The following COL6A6 variants were observed in gnomAD, a reference collection of about 807,000 sequenced individuals.
COL6A6 encodes the protein collagen type VI alpha 6 chain.
In COL6A6, 183 loss-of-function variants were observed where a neutral mutation model predicts 208.6. The ratio of observed to expected loss-of-function variants is 0.88; its 90% CI spans 0.78 to 0.99. COL6A6 has a LOEUF of 0.99. COL6A6 is among the 50% of genes least tolerant of loss of function. The probability of loss-of-function intolerance (pLI) is 0.00; values close to 1 mark genes in which losing one functional copy is unlikely to be tolerated. For missense variants in COL6A6, 2,816 were observed against 2,815.2 expected (o/e 1.00, Z -0.01); for synonymous variants, 973 against 1,011.8 (o/e 0.96, Z 0.73).
chr3:130,664,817 T>C (rs571201329), intron 35 of COL6A6, among the ~76,000 whole-genome samples, 186 bp from the exon 36 acceptor site: 2 of 152,198 alleles, frequency 1.3e-5, no homozygotes, highest in Non-Finnish European at 2.9e-5. Flanking sequence ...TCAGAAGGGA[T>C]GTGTTTTCTA....
In COL6A6 at chr3:130,531,265, TTTAGCAGCATCTAACATCCTA is replaced by T. The variant is rs376881994; in HGVS notation, c.-32+13879_-32+13899del. Among the ~76,000 whole-genome samples the T allele has an allele frequency of 9.2e-3, 1,393 of 151,956 alleles. 21 individuals carry two copies. The highest frequency in any genetic ancestry group is 0.031 in the African/African-American group (1,264 of 41,270). ...GAACTCTTCTGTGCACTGCAGGATG[TTTAGCAGCATCTAACATCCTA>T]TTAGCAGCATACTAACAACAGTAGT... On this transcript the variant is annotated intron_variant, in intron 1 of 36. Transcript: ENST00000358511.
chr3:130,676,020 A>G lies in COL6A6; in HGVS notation c.*623A>G, dbSNP rs1209098174. ...CATTAATTCCCGCAGAACATAAATT[A>G]TTGCTTTTGAGCTGGAAGTTTTCTC... is the stretch of plus-strand genomic sequence containing the variant. On this transcript the variant is annotated 3_prime_UTR_variant, in exon 37 of 37. Transcript: ENST00000358511. 2.0e-5 allele frequency: 3 copies of G among 152,164 alleles called. No homozygotes were observed. Among genetic ancestry groups the G allele is most frequent in the Non-Finnish European group, 4.4e-5 (3 of 68,022 alleles). The allele number at this position is 152,164 out of a possible 1,614,324, so 9.4% of individuals were successfully genotyped here.
At chr3:130,608,790 T>TTC (rs1288664618) in intron 21 of COL6A6, 112 bp from the exon 22 acceptor site, 4 of 195,078 alleles carry the variant, frequency 2.1e-5, no homozygotes, top group African/African-American at 1.1e-4. Context: ...TTTTTTTTTT[T>TTC]GCAAAGATCC....
intron 1 of COL6A6, among the ~76,000 whole-genome samples, chr3:130,548,149 G>A (rs962920935): frequency 8.5e-5 from 13 of 152,214 alleles, no homozygotes; most frequent in African/African-American, 3.1e-4. Flanking sequence ...CCATGTCTGA[G>A]TCTGGTTCTG....
chr3:130,672,382 C>T (rs2066239614), intron 36 of COL6A6, among the ~76,000 whole-genome samples: 1 of 151,074 alleles, frequency 6.6e-6, no homozygotes, highest in South Asian at 2.1e-4. Flanking sequence ...CAAAGTCTTA[C>T]AATTCTCAAA....
intron 33 of COL6A6, among the ~76,000 whole-genome samples, chr3:130,651,507 T>C (rs996273206): frequency 6.6e-6 from 1 of 152,204 alleles, no homozygotes; most frequent in South Asian, 2.1e-4. Context: ...AACAAAAATT[T>C]GTTTAATAAT....
intron 1 of COL6A6, among the ~76,000 whole-genome samples, chr3:130,557,506 G>A (rs763537848): frequency 5.9e-5 from 9 of 152,168 alleles, no homozygotes; most frequent in Non-Finnish European, 8.8e-5. Flanking sequence ...GACATCAGGG[G>A]TTAAATAAGC....
At chr3:130,563,956 C>T (rs933457206) in intron 3 of COL6A6, among the ~76,000 whole-genome samples, 1 of 152,168 alleles carries the variant, frequency 6.6e-6, no homozygotes. Flanking sequence ...AGCTATTTCC[C>T]TGGGCTTTAG....
chr3:130,634,931 C>T (rs1005407929), intron 27 of COL6A6, among the ~76,000 whole-genome samples: 13 of 152,152 alleles, frequency 8.5e-5, no homozygotes, highest in African/African-American at 2.9e-4. Context: ...TTCTTATTTA[C>T]TGAAAGAAAA....
intron 33 of COL6A6, 74 bp downstream of exon 33, chr3:130,649,636 G>T: frequency 1.4e-6 from 2 of 1,414,950 alleles, no homozygotes; most frequent in Non-Finnish European, 1.9e-6. Flanking sequence ...ATACTACCTT[G>T]CCTTCAAAAT....
chr3:130,565,093 A>T lies in COL6A6; in HGVS notation c.761A>T (p.Glu254Val). ...GACTATCTTAAAGGATTCTTGGAAG[A>T]AAGTGTATCTGCCCTTGACATAAAG... ...NFDYLKGFLE[E>V]SVSALDIKEN... Residue 254 changes from glutamate (E) to valine (V), a missense_variant, in exon 4 of 37, where the codon GAA becomes GTA. Transcript: ENST00000358511. The T allele has an allele frequency of 6.2e-7, 1 of 1,614,038 alleles. No individual in the cohort carries two copies. Among genetic ancestry groups the T allele is most frequent in the Non-Finnish European group, 8.5e-7 (1 of 1,179,884 alleles).
At position 130,593,189 on chromosome 3, in the gene COL6A6, T is replaced by G. The variant is rs1560040048; in HGVS notation, c.4417-10T>G. 1 of 1,613,072 alleles carries G rather than the reference T, an allele frequency of 6.2e-7. No homozygotes were observed. The highest frequency in any genetic ancestry group is 8.5e-7 in the Non-Finnish European group (1 of 1,179,094). ...AATTCTATTAATAGCTTTCCCTTCTTGTTTTTTAGGGTGATAATGGTCTTC... is the reference window on the plus strand; with the variant it reads ...AATTCTATTAATAGCTTTCCCTTCTGGTTTTTTAGGGTGATAATGGTCTTC... On this transcript the variant is annotated splice_polypyrimidine_tract_variant and intron_variant, in intron 16 of 36. Coordinates refer to ENST00000358511, the MANE Select transcript of COL6A6 (RefSeq NM_001102608.3).
chr3:130,605,763 G>A (rs1190921397), intron 20 of COL6A6, among the ~76,000 whole-genome samples: 1 of 151,572 alleles, frequency 6.6e-6, no homozygotes, highest in Non-Finnish European at 1.5e-5. Context: ...AGAAAAAGAG[G>A]TTTAATGGAC....
intron 28 of COL6A6, among the ~76,000 whole-genome samples, chr3:130,636,273 G>C (rs1331628160): frequency 6.6e-6 from 1 of 152,204 alleles, no homozygotes; most frequent in African/African-American, 2.4e-5. Flanking sequence ...TTATTCTGTA[G>C]AGGTTCTTAG....
Position 130,661,966 on chromosome 3 carries a change from C to A in COL6A6, c.6160C>A (p.Gln2054Lys). ...MKRHVHESVK[Q>K]LNGDAFIGHA... The stretch of plus-strand genomic sequence containing the variant: ...GAGGCATGTGCACGAGTCAGTTAAA[C>A]AACTAAATGGAGATGCTTTTATTGG... The change falls in exon 35 of 37, where the codon CAA becomes AAA. Residue 2054 changes from glutamine to lysine, a missense_variant. Physicochemically the swap from Gln to Lys is moderately conservative, Grantham distance 53 (BLOSUM62 1). Coordinates refer to ENST00000358511, the MANE Select transcript of COL6A6 (RefSeq NM_001102608.3). The A allele has an allele frequency of 1.9e-6, 3 of 1,613,986 alleles. No homozygotes were observed. Among genetic ancestry groups the A allele is most frequent in the Non-Finnish European group, 2.5e-6 (3 of 1,179,888 alleles).
intron 1 of COL6A6, among the ~76,000 whole-genome samples, chr3:130,519,585 A>G (rs979501568): frequency 1.3e-5 from 2 of 152,180 alleles, no homozygotes; most frequent in African/African-American, 4.8e-5. Flanking sequence ...AGTATAAGGT[A>G]GATTAGCTTT....
intron 17 of COL6A6, 73 bp downstream of exon 17, chr3:130,593,325 C>CTGTT: frequency 2.6e-6 from 3 of 1,172,536 alleles, no homozygotes; most frequent in Non-Finnish European, 2.5e-6. Context: ...GTAGAATACT[C>CTGTT]AGTCAGCTAT....
At chr3:130,608,028 G>A (rs2064237616) in intron 21 of COL6A6, among the ~76,000 whole-genome samples, 1 of 152,152 alleles carries the variant, frequency 6.6e-6, no homozygotes, top group African/African-American at 2.4e-5. Context: ...GGCAGAAGGG[G>A]CTGACAGCTA....
At chr3:130,626,415 C>G (rs1026038788) in intron 24 of COL6A6, 70 bp from the exon 25 acceptor site, 9 of 1,083,380 alleles carry the variant, frequency 8.3e-6, no homozygotes, top group Non-Finnish European at 1.0e-5. Context: ...GTGTGTGATC[C>G]ACACAGATGA....
Sources: allele counts gnomAD v4.1 joint callset (sites outside exome capture counted in the v4.1 genomes callset), GRCh38; gene constraint gnomAD v4.1.1; transcripts MANE v1.5; gene names NCBI Gene and HGNC (gene_info 2026-07-23, HGNC 2026-07-21).